Variants in SND1 observed in about 807,000 individuals in gnomAD.
The protein encoded by SND1 is staphylococcal nuclease domain-containing protein 1.
A neutral mutation model predicts 121.7 loss-of-function variants in SND1; 38 were observed. The observed-to-expected ratio is 0.31, with a 90% CI of 0.24 to 0.41. The LOEUF is 0.41. Among genes scored for constraint, SND1 ranks in the 10% least tolerant of loss-of-function variants. The probability of loss-of-function intolerance (pLI) is 1.00; values close to 1 mark genes in which losing one functional copy is unlikely to be tolerated. For missense variants in SND1, 868 were observed against 1,184.6 expected (o/e 0.73, Z 3.92); for synonymous variants, 401 against 447.4 (o/e 0.90, Z 1.31).
intron 10 of SND1, among the ~76,000 whole-genome samples, chr7:127,738,896 CT>C (rs1216682275): frequency 6.6e-6 from 1 of 152,308 alleles, no homozygotes; most frequent in East Asian, 1.9e-4. Flanking sequence ...TACTTTCCCC[CT>C]GTTCCTCTCT....
intron 16 of SND1, among the ~76,000 whole-genome samples, chr7:128,008,968 C>T (rs1803049859): frequency 6.6e-6 from 1 of 152,048 alleles, no homozygotes; most frequent in South Asian, 2.1e-4. Flanking sequence ...GGCACAAACA[C>T]AGAGGTTTAT....
At chr7:127,768,449 T>C (rs1336603551) in intron 10 of SND1, among the ~76,000 whole-genome samples, 1 of 152,224 alleles carries the variant, frequency 6.6e-6, no homozygotes, top group Non-Finnish European at 1.5e-5. Context: ...ATTGTGGCCT[T>C]GTCAGTATAG....
intron 12 of SND1, among the ~76,000 whole-genome samples, chr7:127,866,425 G>A (rs546286535): frequency 6.6e-6 from 1 of 151,692 alleles, no homozygotes; most frequent in Admixed American, 6.6e-5. Context: ...CCCACCAGGA[G>A]CTGAAATAAT....
chr7:127,698,156 A>G (rs1796040257), intron 3 of SND1, among the ~76,000 whole-genome samples: 1 of 152,134 alleles, frequency 6.6e-6, no homozygotes, highest in Admixed American at 6.5e-5. Flanking sequence ...TGAGAAATCT[A>G]GCCTGTGTTC....
intron 12 of SND1, among the ~76,000 whole-genome samples, chr7:127,864,519 A>G (rs563440096): frequency 1.3e-5 from 2 of 152,204 alleles, no homozygotes; most frequent in East Asian, 3.9e-4. Flanking sequence ...AAGTCTTGCT[A>G]TCTAGAACAG....
chr7:128,091,998 C>T lies in SND1; in HGVS notation c.2673C>T (p.Asn891=), dbSNP rs1793789654. The change falls in exon 24 of 24, where the codon AAC becomes AAT. Residue 891 remains asparagine, a synonymous_variant. Transcript: ENST00000354725. ...AQESAKSARL[N]LWRYGDFRAD... Reference sequence around the variant, plus strand: ...TTGTCTGTTTTTTCTTACAGCTGAACCTGTGGCGCTATGGAGACTTTCGAG... The same window carrying T: ...TTGTCTGTTTTTTCTTACAGCTGAATCTGTGGCGCTATGGAGACTTTCGAG... 1 of 1,614,174 alleles carries T rather than the reference C, an allele frequency of 6.2e-7. No individual in the cohort carries two copies. Among genetic ancestry groups the T allele is most frequent in the Non-Finnish European group, 8.5e-7 (1 of 1,180,008 alleles).
At chr7:127,749,043 G>GTTTTT (rs5887354) in intron 10 of SND1, among the ~76,000 whole-genome samples, 4 of 116,498 alleles carry the variant, frequency 3.4e-5, no homozygotes, top group Admixed American at 9.8e-5. Flanking sequence ...TTTTTCTTTC[G>GTTTTT]TTTTTTTTTT....
intron 15 of SND1, among the ~76,000 whole-genome samples, chr7:127,946,831 CA>C (rs2116848164): frequency 6.6e-6 from 1 of 152,218 alleles, no homozygotes; most frequent in East Asian, 1.9e-4. Context: ...AGAAAAGTTG[CA>C]AGAATACAAG....
intron 16 of SND1, among the ~76,000 whole-genome samples, chr7:128,062,559 A>G (rs1562886596): frequency 6.6e-6 from 1 of 152,180 alleles, no homozygotes; most frequent in African/African-American, 2.4e-5. Flanking sequence ...GAAGCAAGTA[A>G]ATTGCCTGAT....
chr7:127,705,021 T>G (rs1047791821), intron 8 of SND1, 76 bp downstream of exon 8: 2 of 1,193,440 alleles, frequency 1.7e-6, no homozygotes, highest in Admixed American at 3.6e-5. Flanking sequence ...GGTGATTTGC[T>G]CACACCCCTG....
At chr7:127,836,825 C>A (rs1012866164) in intron 11 of SND1, among the ~76,000 whole-genome samples, 3 of 152,024 alleles carry the variant, frequency 2.0e-5, no homozygotes, top group Non-Finnish European at 4.4e-5. Context: ...ATCATGTTGA[C>A]AAATCAGGAA....
intron 10 of SND1, among the ~76,000 whole-genome samples, chr7:127,788,576 A>G (rs1259406287): frequency 6.6e-6 from 1 of 152,218 alleles, no homozygotes; most frequent in Admixed American, 6.5e-5. Flanking sequence ...GTGTACATTA[A>G]TCATGTACAT....
chr7:128,082,100 C>T (rs1793614643), intron 18 of SND1: 1 of 376,942 alleles, frequency 2.7e-6, no homozygotes, highest in Non-Finnish European at 5.5e-6. Context: ...TGGCCAGGGT[C>T]CCCTGGGCAG....
At chr7:127,915,121 G>A (rs911312164) in intron 14 of SND1, among the ~76,000 whole-genome samples, 3 of 152,072 alleles carry the variant, frequency 2.0e-5, no homozygotes, top group African/African-American at 7.2e-5. Context: ...AGGCTCAGGT[G>A]ATCCTCCTGC....
intron 1 of SND1, among the ~76,000 whole-genome samples, chr7:127,657,766 T>A (rs10229165): frequency 6.6e-6 from 1 of 152,094 alleles, no homozygotes; most frequent in East Asian, 1.9e-4. Context: ...CCCAAAGTGC[T>A]GGGTTTATAG....
chr7:127,953,250 T>G (rs1801509462), intron 15 of SND1, among the ~76,000 whole-genome samples: 2 of 145,228 alleles, frequency 1.4e-5, no homozygotes, highest in Non-Finnish European at 3.0e-5. Context: ...GCATCTGTAA[T>G]AGGGTGTTTG....
chr7:127,799,136 A>T (rs1798080306), intron 10 of SND1, among the ~76,000 whole-genome samples: 1 of 152,200 alleles, frequency 6.6e-6, no homozygotes, highest in African/African-American at 2.4e-5. Context: ...GCATGGTTAT[A>T]AGCTCCCAGG....
At position 127,668,520 on chromosome 7, in the gene SND1, C is replaced by G. The variant is rs577651690; in HGVS notation, c.78+16069C>G. 4.6e-5 allele frequency among the ~76,000 whole-genome samples: 7 copies of G among 152,230 alleles called. No homozygotes were observed. In the East Asian group the frequency reaches 7.7e-4, roughly 17 times the overall value. On this transcript the variant is annotated intron_variant, in intron 1 of 23. Transcript: ENST00000354725. ...CCTATTCACCATGGTAAATCCAGAGCCCAGAACAAGACCAGGAAAAAATAA... is the reference window on the plus strand; with the variant it reads ...CCTATTCACCATGGTAAATCCAGAGGCCAGAACAAGACCAGGAAAAAATAA...
chr7:127,906,335 G>A lies in SND1; in HGVS notation c.1527+1516G>A, dbSNP rs1024390231. Among the ~76,000 whole-genome samples, 19 of 152,246 alleles carry A rather than the reference G, an allele frequency of 1.2e-4. 1 individual carries two copies. The highest frequency in any genetic ancestry group is 4.6e-4 in the African/African-American group (19 of 41,534). On this transcript the variant is annotated intron_variant, in intron 14 of 23. Coordinates refer to ENST00000354725, the MANE Select transcript of SND1 (RefSeq NM_014390.4). ...TTAACAGGTGTAACTCATCCAGTGC[G>A]ATGTTACTTGGCCTGTTTTCTGTGT...
Sources: allele counts gnomAD v4.1 joint callset (sites outside exome capture counted in the v4.1 genomes callset), GRCh38; gene constraint gnomAD v4.1.1; transcripts MANE v1.5; gene names NCBI Gene and HGNC (gene_info 2026-07-23, HGNC 2026-07-21).